The following PCNX2 variants were observed in gnomAD, a reference collection of about 807,000 sequenced individuals.
The protein encoded by PCNX2 is pecanex-like protein 2.
In PCNX2, 168 loss-of-function variants were observed where a neutral mutation model predicts 223.8. The ratio of observed to expected loss-of-function variants is 0.75; its 90% CI spans 0.66 to 0.85. The LOEUF is 0.85. Ranked by LOEUF, PCNX2 falls within the 40% of genes least tolerant of loss-of-function variation. PCNX2 has a pLI of 0.00. For synonymous variants in PCNX2, 1,006 were observed against 1,052.6 expected (o/e 0.96, Z 0.86); for missense variants, 2,507 against 2,675.5 (o/e 0.94, Z 1.39).
chr1:233,107,361 C>T (rs1177414711), intron 21 of PCNX2, among the ~76,000 whole-genome samples: 1 of 152,064 alleles, frequency 6.6e-6, no homozygotes, highest in African/African-American at 2.4e-5. Context: ...CCATTCCAGC[C>T]TGGGTGACAC....
At chr1:233,075,696 AAC>A (rs369431993) in intron 23 of PCNX2, among the ~76,000 whole-genome samples, 11,152 of 136,952 alleles carry the variant, frequency 0.081, 441 homozygotes, top group East Asian at 0.14. Context: ...GTTAGCTTAA[AAC>A]ACACACACAC....
chr1:233,106,471 G>C (rs764314729), intron 21 of PCNX2, among the ~76,000 whole-genome samples: 8 of 150,354 alleles, frequency 5.3e-5, no homozygotes, highest in Non-Finnish European at 1.0e-4. Flanking sequence ...TCCTGCCTCA[G>C]CCTCTCGAGT....
At chr1:233,019,234 TCCC>T (rs914760635) in intron 26 of PCNX2, 32 of 982,240 alleles carry the variant, frequency 3.3e-5, no homozygotes, top group Non-Finnish European at 3.7e-5. Context: ...GCTGATGCTC[TCCC>T]TTCTTTTGGA....
At chr1:233,184,181 C>G (rs1679966338) in intron 15 of PCNX2, among the ~76,000 whole-genome samples, 1 of 152,158 alleles carries the variant, frequency 6.6e-6, no homozygotes, top group African/African-American at 2.4e-5. Context: ...GGAAGAAATT[C>G]CTATGAGAAA....
rs141493367 is a variant in PCNX2 at position 233,169,777 on chromosome 1, G to A, written c.3273+8025C>T. Among the ~76,000 whole-genome samples, 1,318 of 151,190 alleles carry A rather than the reference G, an allele frequency of 8.7e-3. 23 individuals carry two copies. The highest frequency in any genetic ancestry group is 0.031 in the African/African-American group (1,264 of 41,208). ...TTAATCTAACATTTCCAGCATCCTAGAAGCTTCTTGTATGTGGCTATCTGA... is the reference window on the plus strand; with the variant it reads ...TTAATCTAACATTTCCAGCATCCTAAAAGCTTCTTGTATGTGGCTATCTGA... On this transcript the variant is annotated intron_variant, in intron 17 of 33. Transcript: ENST00000258229.
chr1:233,057,010 T>C (rs1339601308), intron 24 of PCNX2, among the ~76,000 whole-genome samples: 1 of 152,176 alleles, frequency 6.6e-6, no homozygotes, highest in African/African-American at 2.4e-5. Context: ...TATGCAATAC[T>C]GAGCAAGGTC....
chr1:233,191,569 C>T (rs1680419648), intron 15 of PCNX2, among the ~76,000 whole-genome samples: 1 of 152,176 alleles, frequency 6.6e-6, no homozygotes, highest in Admixed American at 6.5e-5. Flanking sequence ...GAGCAAGTTA[C>T]TCGTGCACAA....
intron 14 of PCNX2, 78 bp from the exon 15 acceptor site, chr1:233,199,108 G>A (rs1680907354): frequency 7.5e-7 from 1 of 1,337,456 alleles, no homozygotes; most frequent in Non-Finnish European, 1.0e-6. Flanking sequence ...TGAAGAGATG[G>A]TTGCACATTC....
At chr1:233,038,391 G>A (rs1359151703) in intron 25 of PCNX2, among the ~76,000 whole-genome samples, 1 of 152,132 alleles carries the variant, frequency 6.6e-6, no homozygotes, top group Non-Finnish European at 1.5e-5. Flanking sequence ...TATTTAATTT[G>A]CAGTTGTATT....
At chr1:233,174,117 TATA>T (rs1679327556) in intron 17 of PCNX2, among the ~76,000 whole-genome samples, 1 of 146,178 alleles carries the variant, frequency 6.8e-6, no homozygotes, top group Admixed American at 6.9e-5. Context: ...GTATATTATA[TATA>T]ATAAATTATA....
At chr1:233,322,770 C>T in the PCNX2 span, among the ~76,000 whole-genome samples, 1,634 of 152,212 alleles carry the variant, frequency 0.011, 13 homozygotes, top group Non-Finnish European at 0.018. Context: ...CCCACCCTGC[C>T]CCAGCACTTC....
intron 19 of PCNX2, among the ~76,000 whole-genome samples, chr1:233,153,469 G>A (rs546286240): frequency 6.6e-6 from 1 of 152,284 alleles, no homozygotes; most frequent in South Asian, 2.1e-4. Context: ...TATAATCAAG[G>A]TCTATACTAC....
At position 233,295,034 on chromosome 1, in the gene PCNX2, G is replaced by C. The variant is rs1316759210; in HGVS notation, c.153+292C>G. Among the ~76,000 whole-genome samples, 2 of 152,048 alleles carry C rather than the reference G, an allele frequency of 1.3e-5. No individual in the cohort carries two copies. Among genetic ancestry groups the C allele is most frequent in the Non-Finnish European group, 2.9e-5 (2 of 68,018 alleles). On this transcript the variant is annotated intron_variant, in intron 1 of 33. Coordinates refer to ENST00000258229, the MANE Select transcript of PCNX2 (RefSeq NM_014801.4). This position sits in a 1 kb window ranked among gnomAD's most constrained non-coding sequence, Gnocchi z 4.1. ...CCTAGAGTTACCCACCTACAAAACA[G>C]GCTGCACGCTCCCTGCCACAAGCAG...
chr1:233,203,038 G>A (rs1053414696), intron 13 of PCNX2, among the ~76,000 whole-genome samples: 2 of 152,088 alleles, frequency 1.3e-5, no homozygotes, highest in African/African-American at 4.8e-5. Context: ...TAGTTATTAT[G>A]GCTACAAAAG....
chr1:233,054,346 C>A lies in PCNX2; in HGVS notation c.4273G>T (p.Asp1425Tyr), dbSNP rs372600383. Residue 1425 changes from aspartate to tyrosine, a missense_variant, in exon 25 of 34, where the codon GAC becomes TAC. Asp to Tyr is a radical substitution (Grantham distance 160). Coordinates refer to ENST00000258229, the MANE Select transcript of PCNX2 (RefSeq NM_014801.4). The part of the protein sequence containing the change: ...SGDCFILASD[D>Y]LNAFVHLIEI... ...ATCAGGTGAACAAAGGCATTGAGGTCATCTGAAGCCAAAATAAAGCAATCG... is the reference window on the plus strand; with the variant it reads ...ATCAGGTGAACAAAGGCATTGAGGTAATCTGAAGCCAAAATAAAGCAATCG... 1.2e-6 allele frequency: 2 copies of A among 1,613,778 alleles called. No individual in the cohort carries two copies. Among genetic ancestry groups the A allele is most frequent in the African/African-American group, 2.7e-5 (2 of 74,912 alleles).
chr1:233,249,724 G>A (rs1231853679), intron 8 of PCNX2, among the ~76,000 whole-genome samples: 1 of 152,216 alleles, frequency 6.6e-6, no homozygotes, highest in African/African-American at 2.4e-5. Flanking sequence ...ACTGCATGGC[G>A]GGAGAGAGCC....
In PCNX2 at chr1:233,047,358, G is replaced by A. The variant is rs927326793; in HGVS notation, c.4351+6910C>T. ...GGAGCTGACAGACAGAAAAAGCACTGCAAAATTCTAAGATCTCATTAACTT... is the reference window on the plus strand; with the variant it reads ...GGAGCTGACAGACAGAAAAAGCACTACAAAATTCTAAGATCTCATTAACTT... On this transcript the variant is annotated intron_variant, in intron 25 of 33. Transcript: ENST00000258229. 25 of 982,824 alleles carry A rather than the reference G, an allele frequency of 2.5e-5. No homozygotes were observed. The Admixed American group carries it at 1.0e-3, about 41-fold the overall frequency. The allele number at this position is 982,824 out of a possible 1,614,324, so 60.9% of individuals were successfully genotyped here.
intron 1 of PCNX2, among the ~76,000 whole-genome samples, chr1:233,290,497 A>T (rs1661698967): frequency 1.3e-5 from 2 of 152,222 alleles, no homozygotes; most frequent in South Asian, 4.1e-4. Context: ...TGTATGTTTT[A>T]AACTTTTTAT....
intron 23 of PCNX2, among the ~76,000 whole-genome samples, chr1:233,075,967 TC>T (rs1673080246): frequency 6.6e-6 from 1 of 152,238 alleles, no homozygotes; most frequent in Non-Finnish European, 1.5e-5. Flanking sequence ...GAAAAGTGTT[TC>T]TTCTCTTTCT....
Sources: allele counts gnomAD v4.1 joint callset (sites outside exome capture counted in the v4.1 genomes callset), GRCh38; gene constraint gnomAD v4.1.1; non-coding constraint Gnocchi (gnomAD v3.1); transcripts MANE v1.5; gene names NCBI Gene and HGNC (gene_info 2026-07-23, HGNC 2026-07-21).